Variants in GFRA2 observed in about 807,000 individuals in gnomAD.
GFRA2 encodes GDNF family receptor alpha 2.
In GFRA2, 17 loss-of-function variants were observed where a neutral mutation model predicts 48.3. That is an observed-to-expected ratio of 0.35 (90% CI 0.24 to 0.53). The LOEUF (loss-of-function observed/expected upper bound fraction) is 0.53, where lower values mean the gene tolerates loss of function less well. GFRA2 is among the 20% of genes least tolerant of loss of function. GFRA2 has a pLI of 0.93. For missense variants in GFRA2, 660 were observed against 637.3 expected (o/e 1.04, Z -0.38); for synonymous variants, 305 against 257.2 (o/e 1.19, Z -1.78).
At chr8:21,727,332 G>A (rs1563231096) in intron 4 of GFRA2, among the ~76,000 whole-genome samples, 1 of 152,074 alleles carries the variant, frequency 6.6e-6, no homozygotes, top group Non-Finnish European at 1.5e-5. Context: ...CAGGGACAGG[G>A]CCTCCCTTGC....
chr8:21,790,936 G>A (rs1807561727), upstream of GFRA2, among the ~76,000 whole-genome samples: 1 of 152,182 alleles, frequency 6.6e-6, no homozygotes, highest in Non-Finnish European at 1.5e-5. Context: ...GCCCGAGGCT[G>A]GGAGCCTGGC....
At chr8:21,723,209 G>C (rs925150833) in intron 4 of GFRA2, among the ~76,000 whole-genome samples, 1 of 152,178 alleles carries the variant, frequency 6.6e-6, no homozygotes. Context: ...AAGCAAGAAG[G>C]AATGAGGAGA....
intron 4 of GFRA2, among the ~76,000 whole-genome samples, chr8:21,725,854 C>T (rs969172487): frequency 2.6e-5 from 4 of 152,228 alleles, no homozygotes; most frequent in Non-Finnish European, 5.9e-5. Flanking sequence ...ATGCATCCAG[C>T]ATCACCCGCT....
intron 3 of GFRA2, among the ~76,000 whole-genome samples, chr8:21,763,574 T>G (rs1410956692): frequency 6.6e-6 from 1 of 152,124 alleles, no homozygotes; most frequent in African/African-American, 2.4e-5. Flanking sequence ...AGCTCCCCAC[T>G]GCCGTAGTCA....
intron 3 of GFRA2, among the ~76,000 whole-genome samples, chr8:21,759,422 G>T (rs1805765005): frequency 7.4e-6 from 1 of 135,430 alleles, no homozygotes; most frequent in Non-Finnish European, 1.6e-5. Context: ...GGGAAAGAGG[G>T]AAAGAGGGAA....
intron 2 of GFRA2, among the ~76,000 whole-genome samples, chr8:21,796,236 A>C (rs1229057506): frequency 1.3e-5 from 2 of 152,210 alleles, no homozygotes; most frequent in Admixed American, 6.5e-5. Flanking sequence ...TGCAGATGAA[A>C]GCTGCCTGGA....
intron 2 of GFRA2, among the ~76,000 whole-genome samples, chr8:21,798,351 A>G (rs1360848544): frequency 3.3e-5 from 5 of 152,202 alleles, no homozygotes; most frequent in Admixed American, 2.0e-4. Context: ...CCTAGTGGAA[A>G]GAAAGAAAAA....
At chr8:21,734,694 T>G (rs1039437699) in intron 4 of GFRA2, among the ~76,000 whole-genome samples, 6 of 152,248 alleles carry the variant, frequency 3.9e-5, no homozygotes, top group African/African-American at 1.4e-4. Context: ...AGACTTGACC[T>G]TTTGTCTGGG....
chr8:21,716,510 G>A (rs1399180016), intron 4 of GFRA2, among the ~76,000 whole-genome samples: 2 of 152,080 alleles, frequency 1.3e-5, no homozygotes, highest in Non-Finnish European at 2.9e-5. Context: ...TAGGCAGATG[G>A]CCAGAAGTAG....
chr8:21,750,615 C>T lies in GFRA2; in HGVS notation c.767G>A (p.Gly256Asp). 2 of 1,611,222 alleles carry T rather than the reference C, an allele frequency of 1.2e-6. No homozygotes were observed. The highest frequency in any genetic ancestry group is 1.3e-5 in the African/African-American group (1 of 75,020). The change falls in exon 4 of 9, where the codon GGC becomes GAC. Residue 256 changes from glycine to aspartate, a missense_variant. By Grantham distance (94) the Gly-to-Asp change is moderately conservative (BLOSUM62 -1). Coordinates refer to ENST00000524240, the MANE Select transcript of GFRA2 (RefSeq NM_001495.5). This position sits in a 1 kb window ranked among gnomAD's most constrained non-coding sequence, Gnocchi z 5.7. ...KEKPNCLDLR[G>D]VCRTDHLCRS... ...ACACAGGTGGTCAGTCCGGCACACG[C>T]CACGCAGGTCCAGGCAGTTGGGCTT...
chr8:21,698,818 A>C (rs1044916224), intron 7 of GFRA2, among the ~76,000 whole-genome samples: 27 of 149,742 alleles, frequency 1.8e-4, no homozygotes, highest in African/African-American at 5.4e-4. Flanking sequence ...GCAGACCCCC[A>C]CTCAGCACTC....
At chr8:21,739,734 C>G (rs1804657652) in intron 4 of GFRA2, among the ~76,000 whole-genome samples, 2 of 147,408 alleles carry the variant, frequency 1.4e-5, no homozygotes, top group South Asian at 2.1e-4. Flanking sequence ...TCAAAACATC[C>G]TGGGCAGGAC....
chr8:21,729,859 G>A (rs946193593), intron 4 of GFRA2, among the ~76,000 whole-genome samples: 2 of 152,152 alleles, frequency 1.3e-5, no homozygotes, highest in Admixed American at 6.5e-5. Flanking sequence ...GCCCTGACCT[G>A]CCTGGAGCTC....
At chr8:21,701,009 G>A (rs1481705186) in intron 7 of GFRA2, among the ~76,000 whole-genome samples, 1 of 152,210 alleles carries the variant, frequency 6.6e-6, no homozygotes, top group Non-Finnish European at 1.5e-5. Context: ...AGGAGGGGAG[G>A]CACCCATGCC....
chr8:21,810,419 C>A (rs1807956553), intron 1 of GFRA2, among the ~76,000 whole-genome samples: 1 of 152,250 alleles, frequency 6.6e-6, no homozygotes. Context: ...CCCTCCTGGA[C>A]AGAGTCCTTC....
intron 3 of GFRA2, among the ~76,000 whole-genome samples, chr8:21,764,636 G>A (rs1430955228): frequency 6.6e-6 from 1 of 152,214 alleles, no homozygotes; most frequent in Non-Finnish European, 1.5e-5. Flanking sequence ...GCCCTGCCAT[G>A]CGTGCTGGTG....
Position 21,693,478 on chromosome 8 carries a change from C to A in GFRA2, c.1273-78G>T, listed in dbSNP as rs1026438616. On this transcript the variant is annotated intron_variant, in intron 8 of 8. Coordinates refer to ENST00000524240, the MANE Select transcript of GFRA2 (RefSeq NM_001495.5). ...AACAGTCAGGAGGCCTGGGACCCGG[C>A]AGAGAAACGGACTCAGGAACTGGAC... is the stretch of plus-strand genomic sequence containing the variant. 6 of 1,374,588 alleles carry A rather than the reference C, an allele frequency of 4.4e-6. No homozygotes were observed. In the African/African-American group the frequency reaches 7.2e-5, roughly 17 times the overall value. The allele number at this position is 1,374,588 out of a possible 1,614,324, so 85.1% of individuals were successfully genotyped here. A position where few individuals can be genotyped will look rare whatever the true frequency, so the allele number is the denominator to read the frequency against.
chr8:21,701,375 G>C (rs1398821775), intron 7 of GFRA2, among the ~76,000 whole-genome samples: 10 of 152,296 alleles, frequency 6.6e-5, no homozygotes, highest in African/African-American at 2.4e-4. Flanking sequence ...GCCTGGGCGA[G>C]ACTGCGAGAC....
At position 21,764,834 on chromosome 8, in the gene GFRA2, C is replaced by G. The variant is rs183962578; in HGVS notation, c.439+10138G>C. 2.3e-3 allele frequency among the ~76,000 whole-genome samples: 346 copies of G among 152,296 alleles called. 1 individual carries two copies. The highest frequency in any genetic ancestry group is 7.9e-3 in the African/African-American group (330 of 41,544). On this transcript the variant is annotated intron_variant, in intron 3 of 8. Transcript: ENST00000524240. ...GCAAAGCCTTCCCTTGACCACTACC[C>G]AGCCCCCTATTTCACTACTCCCCTT...
Sources: allele counts gnomAD v4.1 joint callset (sites outside exome capture counted in the v4.1 genomes callset), GRCh38; gene constraint gnomAD v4.1.1; non-coding constraint Gnocchi (gnomAD v3.1); transcripts MANE v1.5; gene names NCBI Gene and HGNC (gene_info 2026-07-23, HGNC 2026-07-21).